Variants in ZCCHC14 observed in about 807,000 individuals in gnomAD.
ZCCHC14 encodes zinc finger CCHC-type containing 14.
In ZCCHC14, 16 loss-of-function variants were observed where a neutral mutation model predicts 85.0. The observed-to-expected ratio is 0.19, with a 90% CI of 0.13 to 0.29. The LOEUF is 0.29. ZCCHC14 is among the 10% of genes least tolerant of loss of function. ZCCHC14 has a pLI of 1.00. For synonymous variants in ZCCHC14, 775 were observed against 630.7 expected, an observed-to-expected ratio of 1.23 and a Z score of -3.43; for missense variants, 1,303 against 1,443.5, an observed-to-expected ratio of 0.90 and a Z score of 1.58.
intron 2 of ZCCHC14, among the ~76,000 whole-genome samples, chr16:87,457,849 G>A (rs562927862): frequency 3.9e-5 from 6 of 152,256 alleles, no homozygotes; most frequent in African/African-American, 1.4e-4. Context: ...GCCAATTTCC[G>A]GACAACAGAA....
At position 87,411,741 on chromosome 16, in the gene ZCCHC14, T is replaced by C; in HGVS notation, c.2980A>G (p.Ser994Gly). 4.3e-6 allele frequency: 7 copies of C among 1,612,836 alleles called. No homozygotes were observed. The highest frequency in any genetic ancestry group is 5.9e-6 in the Non-Finnish European group (7 of 1,179,010). The stretch of plus-strand genomic sequence containing the variant: ...CTCAGGACAGGGTCTGGGGTCCCGC[T>C]GCTGCTGTAAGGGGCGTGCACGACG... Reference protein sequence around the residue: ...FPVVHAPYSSSGTPDPVLSGQ... With the variant: ...FPVVHAPYSSGGTPDPVLSGQ... The change falls in exon 12 of 13, where the codon AGC becomes GGC. Residue 994 changes from serine to glycine, a missense_variant. By Grantham distance (56) the Ser-to-Gly change is moderately conservative. Transcript: ENST00000671377.
intron 2 of ZCCHC14, among the ~76,000 whole-genome samples, chr16:87,438,014 C>G (rs1460607985): frequency 6.6e-6 from 1 of 152,258 alleles, no homozygotes; most frequent in Non-Finnish European, 1.5e-5. Context: ...CCATCTCACA[C>G]CTGCTGCTGG....
chr16:87,464,080 C>G (rs181907503), intron 1 of ZCCHC14, among the ~76,000 whole-genome samples: 1 of 152,210 alleles, frequency 6.6e-6, no homozygotes, highest in Non-Finnish European at 1.5e-5. Context: ...GTGATCAGTG[C>G]GTTCTCGCAC....
In ZCCHC14 at chr16:87,419,793, A is replaced by G. The variant is rs955433019; in HGVS notation, c.1035T>C (p.Leu345=). ...ATTTTACAAACTCACTTGGACTCTG[A>G]AGCTGCTGTGGGGGAGAGGAAGTGC... ...FLSTSSPPQQ[L]QSPSPGNPSL... Residue 345 remains leucine (L), a synonymous_variant, in exon 6 of 13, where the codon CTT becomes CTC. Coordinates refer to ENST00000671377, the MANE Select transcript of ZCCHC14 (RefSeq NM_015144.3). 1.5e-5 allele frequency: 24 copies of G among 1,603,352 alleles called. No homozygotes were observed. The highest frequency in any genetic ancestry group is 2.0e-5 in the Non-Finnish European group (24 of 1,176,796).
chr16:87,473,302 A>C (rs1911857608), intron 1 of ZCCHC14: 1 of 151,960 alleles, frequency 6.6e-6, no homozygotes, highest in Non-Finnish European at 1.5e-5. Flanking sequence ...TCCTGGGTTC[A>C]AGCGATTCTC....
At chr16:87,452,093 T>G (rs1910735404) in intron 2 of ZCCHC14, among the ~76,000 whole-genome samples, 1 of 152,148 alleles carries the variant, frequency 6.6e-6, no homozygotes, top group African/African-American at 2.4e-5. Flanking sequence ...TGGTCCCTGC[T>G]TGACAGACTG....
chr16:87,410,397 A>G (rs1908377693), intron 12 of ZCCHC14, 62 bp from the exon 13 acceptor site: 1 of 741,698 alleles, frequency 1.3e-6, no homozygotes, highest in Non-Finnish European at 2.5e-6. Flanking sequence ...CCAACCACCA[A>G]TCTGTCCAGT....
At chr16:87,430,040 C>T (rs1264001239) in intron 3 of ZCCHC14, among the ~76,000 whole-genome samples, 1 of 152,224 alleles carries the variant, frequency 6.6e-6, no homozygotes, top group East Asian at 1.9e-4. Context: ...TAGCATCTCT[C>T]AAAGAGAAAG....
intron 1 of ZCCHC14, among the ~76,000 whole-genome samples, chr16:87,461,169 G>C (rs1166765017): frequency 2.6e-5 from 4 of 152,190 alleles, no homozygotes; most frequent in Non-Finnish European, 4.4e-5. Context: ...CACAACAAGC[G>C]CAGAAACAAG....
intron 3 of ZCCHC14, among the ~76,000 whole-genome samples, chr16:87,430,344 C>T (rs1909590644): frequency 6.6e-6 from 1 of 152,150 alleles, no homozygotes; most frequent in African/African-American, 2.4e-5. Flanking sequence ...GCGTGTGAGT[C>T]TGTCTGGAGC....
chr16:87,481,910 T>C (rs1363288580), intron 1 of ZCCHC14, among the ~76,000 whole-genome samples: 2 of 152,162 alleles, frequency 1.3e-5, no homozygotes, highest in African/African-American at 4.8e-5. Context: ...ACAGCCTGTA[T>C]CTGCTTAGGG....
chr16:87,464,519 G>C (rs969381014), intron 1 of ZCCHC14, among the ~76,000 whole-genome samples: 3 of 152,148 alleles, frequency 2.0e-5, no homozygotes, highest in Admixed American at 6.5e-5. Flanking sequence ...AAGAGCTAAA[G>C]GCTGTAGGTC....
chr16:87,414,094 C>A (rs766456915), intron 10 of ZCCHC14, among the ~76,000 whole-genome samples: 6 of 149,166 alleles, frequency 4.0e-5, no homozygotes, highest in East Asian at 2.0e-4. Context: ...TCTGTGTCTG[C>A]GTAACCGACC....
At chr16:87,486,298 C>T (rs1216685540) in intron 1 of ZCCHC14, among the ~76,000 whole-genome samples, 1 of 152,108 alleles carries the variant, frequency 6.6e-6, no homozygotes, top group African/African-American at 2.4e-5. Flanking sequence ...ACAGACCACA[C>T]GGACCAGGGA....
intron 3 of ZCCHC14, among the ~76,000 whole-genome samples, chr16:87,424,728 AT>A (rs1817828434): frequency 6.6e-6 from 1 of 152,122 alleles, no homozygotes; most frequent in Non-Finnish European, 1.5e-5. Flanking sequence ...GAGTTTCTGC[AT>A]GGAGAAGAGC....
rs181288519 is a variant in ZCCHC14 at position 87,429,899 on chromosome 16, G to A, written c.768+3229C>T. On this transcript the variant is annotated intron_variant, in intron 3 of 12. Coordinates refer to ENST00000671377, the MANE Select transcript of ZCCHC14 (RefSeq NM_015144.3). ...TGGCATTACAGGCGTGAGCCACCGC[G>A]CCCAGCCGGAGACCCCATCTCTTAA... 4.4e-3 allele frequency among the ~76,000 whole-genome samples: 676 copies of A among 152,222 alleles called. 4 individuals carry two copies. The highest frequency in any genetic ancestry group is 2.3e-3 in the Non-Finnish European group (156 of 68,000).
chr16:87,416,065 A>G (rs1318987708), intron 8 of ZCCHC14, among the ~76,000 whole-genome samples: 1 of 152,120 alleles, frequency 6.6e-6, no homozygotes, highest in African/African-American at 2.4e-5. Flanking sequence ...AGCTGGGATT[A>G]CAGGCACCCA....
intron 2 of ZCCHC14, among the ~76,000 whole-genome samples, chr16:87,436,747 G>A (rs1260316970): frequency 2.0e-5 from 3 of 152,072 alleles, no homozygotes; most frequent in Admixed American, 6.6e-5. Flanking sequence ...AAAAAGCCTC[G>A]GATATTAACT....
chr16:87,460,029 G>A lies in ZCCHC14; in HGVS notation c.673C>T (p.Pro225Ser). 1.2e-6 allele frequency: 2 copies of A among 1,614,088 alleles called. No homozygotes were observed. The highest frequency in any genetic ancestry group is 1.7e-6 in the Non-Finnish European group (2 of 1,180,012). The change falls in exon 2 of 13, where the codon CCC becomes TCC. Residue 225 changes from proline to serine, a missense_variant. Pro to Ser is a moderately conservative substitution (Grantham distance 74, BLOSUM62 -1). Transcript: ENST00000671377. ...TCACCTTTGCTGTGTTTTCCTAAGG[G>A]CCTCTTGGGCAGCGACTCCTCCGTG... ...HSTEESLPKR[P>S]LGKHSKVSVE...
Sources: allele counts gnomAD v4.1 joint callset (sites outside exome capture counted in the v4.1 genomes callset), GRCh38; gene constraint gnomAD v4.1.1; transcripts MANE v1.5; gene names NCBI Gene and HGNC (gene_info 2026-07-23, HGNC 2026-07-21).